The following S100Z variants were observed in gnomAD, a reference collection of about 807,000 sequenced individuals.
S100Z encodes protein S100-Z.
S100Z carries 11 observed loss-of-function variants against 8.5 expected under a neutral mutation model. That is an observed-to-expected ratio of 1.30 (90% CI 0.82 to 2.15). The LOEUF (loss-of-function observed/expected upper bound fraction) is 2.15, where lower values mean the gene tolerates loss of function less well. Ranked by LOEUF, S100Z falls within the 30% of genes most tolerant of loss-of-function variation. The pLI is 0.00. For synonymous variants in S100Z, 34 were observed against 43.8 expected (o/e 0.78, Z 0.89); for missense variants, 126 against 117.9 (o/e 1.07, Z -0.32).
intron 4 of S100Z, among the ~76,000 whole-genome samples, chr5:76,888,445 G>A (rs566099857): frequency 5.9e-5 from 7 of 118,126 alleles, no homozygotes; most frequent in East Asian, 5.9e-4. Context: ...GCGTGACCTC[G>A]GCTCACTGCA....
intron 4 of S100Z, among the ~76,000 whole-genome samples, chr5:76,902,955 G>C (rs185659015): frequency 2.0e-5 from 3 of 152,222 alleles, no homozygotes; most frequent in Admixed American, 6.5e-5. Flanking sequence ...GGAGGCTGAG[G>C]TGGGTGGATC....
the S100Z span, among the ~76,000 whole-genome samples, chr5:76,932,781 C>T: frequency 1.3e-5 from 2 of 152,016 alleles, no homozygotes; most frequent in Non-Finnish European, 2.9e-5. Flanking sequence ...TTTTCATCAA[C>T]GCTTTAAAAA....
intron 4 of S100Z, among the ~76,000 whole-genome samples, chr5:76,899,965 A>G (rs1332390457): frequency 6.6e-6 from 1 of 152,200 alleles, no homozygotes; most frequent in Non-Finnish European, 1.5e-5. Flanking sequence ...TTGTTTGGGA[A>G]AGTATTTCTC....
chr5:76,905,143 A>G (rs902883137), intron 4 of S100Z, among the ~76,000 whole-genome samples: 4 of 152,204 alleles, frequency 2.6e-5, no homozygotes, highest in South Asian at 2.1e-4. Flanking sequence ...AAAATTATCA[A>G]TCTAAGATGT....
chr5:76,917,189 T>G (rs1202949813), intron 4 of S100Z, among the ~76,000 whole-genome samples: 2 of 151,140 alleles, frequency 1.3e-5, no homozygotes, highest in Non-Finnish European at 2.9e-5. Flanking sequence ...AAGGAAGGTC[T>G]CAAGTCTGTA....
chr5:76,940,693 G>A, the S100Z span, among the ~76,000 whole-genome samples: 9 of 152,278 alleles, frequency 5.9e-5, no homozygotes, highest in Admixed American at 5.2e-4. Context: ...GATTACAGGC[G>A]TGAGCCAACA....
At chr5:76,924,936 A>G (rs917147801), downstream of S100Z, among the ~76,000 whole-genome samples, 1 of 151,822 alleles carries the variant, frequency 6.6e-6, no homozygotes, top group African/African-American at 2.4e-5. Context: ...AGATACATTT[A>G]TGATCTCACA....
chr5:76,869,344 A>C (rs2150633028), intron 1 of S100Z, among the ~76,000 whole-genome samples: 1 of 151,580 alleles, frequency 6.6e-6, no homozygotes, highest in East Asian at 1.9e-4. Flanking sequence ...CACCTATCAG[A>C]GATGGGGGGA....
chr5:76,939,703 A>G, the S100Z span, among the ~76,000 whole-genome samples: 8 of 149,568 alleles, frequency 5.3e-5, no homozygotes, highest in African/African-American at 1.5e-4. Context: ...AGTAGAGACC[A>G]GGTTACACAA....
chr5:76,914,249 G>GA (rs936027605), intron 4 of S100Z, among the ~76,000 whole-genome samples: 3 of 151,876 alleles, frequency 2.0e-5, no homozygotes, highest in Admixed American at 1.3e-4. Flanking sequence ...ATCCTGTTTA[G>GA]AGGGGGGATT....
chr5:76,889,453 A>G (rs1438279054), intron 4 of S100Z, among the ~76,000 whole-genome samples: 1 of 152,198 alleles, frequency 6.6e-6, no homozygotes, highest in Non-Finnish European at 1.5e-5. Flanking sequence ...GACATTTCGC[A>G]GGGGCCTTTA....
At chr5:76,915,525 G>A (rs147047739) in intron 4 of S100Z, among the ~76,000 whole-genome samples, 47 of 151,902 alleles carry the variant, frequency 3.1e-4, no homozygotes, top group African/African-American at 1.1e-3. Flanking sequence ...GGAGAATGGC[G>A]TGAACCCGGG....
intron 4 of S100Z, among the ~76,000 whole-genome samples, chr5:76,918,914 T>C (rs545086711): frequency 6.6e-6 from 1 of 152,368 alleles, no homozygotes; most frequent in Non-Finnish European, 1.5e-5. Flanking sequence ...TTTGTCTTTT[T>C]CATAATGTCA....
chr5:76,882,322 C>T (rs564329160), intron 4 of S100Z, among the ~76,000 whole-genome samples: 18 of 152,244 alleles, frequency 1.2e-4, no homozygotes, highest in South Asian at 6.2e-4. Flanking sequence ...GGCTACAGGG[C>T]GCAGTCCCAG....
At chr5:76,926,494 C>T (rs991305987), downstream of S100Z, among the ~76,000 whole-genome samples, 13 of 152,090 alleles carry the variant, frequency 8.5e-5, no homozygotes, top group African/African-American at 2.7e-4. Flanking sequence ...AAAACAGAGC[C>T]CTCCCTGGAC....
intron 1 of S100Z, among the ~76,000 whole-genome samples, chr5:76,869,888 C>T (rs6860303): frequency 0.42 from 63,258 of 151,672 alleles, 13,521 homozygotes; most frequent in East Asian, 0.67. Context: ...CCCAGCGTGG[C>T]GGTGCCCACT....
At chr5:76,901,968 G>T (rs184031348) in intron 4 of S100Z, among the ~76,000 whole-genome samples, 1 of 152,102 alleles carries the variant, frequency 6.6e-6, no homozygotes, top group Non-Finnish European at 1.5e-5. Flanking sequence ...AAGGCAGCAG[G>T]TTCCCTCCTG....
chr5:76,884,327 T>C lies in S100Z; in HGVS notation c.*2+6493T>C, dbSNP rs138781194. On this transcript the variant is annotated intron_variant, in intron 4 of 4. Coordinates refer to ENST00000317593, the MANE Select transcript of S100Z (RefSeq NM_130772.4). ...CCATGTAATCTCGCCTAGCTATACC[T>C]GGGGAATCTGCCTGATAGTTCCATT... 5.5e-3 allele frequency among the ~76,000 whole-genome samples: 841 copies of C among 152,282 alleles called. 6 individuals are homozygous for C. Among genetic ancestry groups the C allele is most frequent in the African/African-American group, 0.019 (785 of 41,550 alleles).
At chr5:76,927,887 C>T in the S100Z span, among the ~76,000 whole-genome samples, 1 of 152,154 alleles carries the variant, frequency 6.6e-6, no homozygotes, top group Admixed American at 6.5e-5. Flanking sequence ...TTCCCAGGAT[C>T]CTGCAGCAAA....
Sources: allele counts gnomAD v4.1 joint callset (sites outside exome capture counted in the v4.1 genomes callset), GRCh38; gene constraint gnomAD v4.1.1; transcripts MANE v1.5; gene names NCBI Gene and HGNC (gene_info 2026-07-23, HGNC 2026-07-21).